Variants in DLGAP2 observed in about 807,000 individuals in gnomAD.
DLGAP2 encodes the protein disks large-associated protein 2.
DLGAP2 carries 26 observed loss-of-function variants against 100.3 expected under a neutral mutation model. The observed-to-expected ratio is 0.26, with a 90% CI of 0.19 to 0.36. The LOEUF is 0.36. Ranked by LOEUF, DLGAP2 falls within the 10% of genes least tolerant of loss-of-function variation. DLGAP2 has a pLI of 1.00. For synonymous variants in DLGAP2, 886 were observed against 630.1 expected (o/e 1.41, Z -6.08); for missense variants, 1,858 against 1,453.2 (o/e 1.28, Z -4.53).
intron 2 of DLGAP2, among the ~76,000 whole-genome samples, chr8:1,074,749 G>C (rs1234188363): frequency 6.6e-6 from 1 of 152,180 alleles, no homozygotes; most frequent in African/African-American, 2.4e-5. Context: ...GTCAAGGCGT[G>C]GGTGATTTTT....
chr8:1,390,635 T>C (rs1796328598), intron 3 of DLGAP2, among the ~76,000 whole-genome samples: 1 of 152,062 alleles, frequency 6.6e-6, no homozygotes, highest in Non-Finnish European at 1.5e-5. Flanking sequence ...TTAACTGCAG[T>C]CCCGTCCACC....
intron 6 of DLGAP2, among the ~76,000 whole-genome samples, chr8:1,626,025 C>T (rs113534811): frequency 0.061 from 5,829 of 95,542 alleles, 236 homozygotes; most frequent in Middle Eastern, 0.13. Context: ...TACCCTGTGG[C>T]GGGTGCTCAG....
intron 2 of DLGAP2, among the ~76,000 whole-genome samples, chr8:1,143,753 C>A (rs940120258): frequency 6.6e-6 from 1 of 152,210 alleles, no homozygotes; most frequent in African/African-American, 2.4e-5. Context: ...CTTTCAAACC[C>A]AACCTCCCCA....
intron 3 of DLGAP2, among the ~76,000 whole-genome samples, chr8:1,484,204 T>G (rs1357876570): frequency 6.6e-6 from 1 of 152,238 alleles, no homozygotes; most frequent in Non-Finnish European, 1.5e-5. Flanking sequence ...CATGAGCTTC[T>G]GAATGAACAG....
chr8:1,501,018 A>G (rs984569644), intron 3 of DLGAP2, among the ~76,000 whole-genome samples: 1 of 152,156 alleles, frequency 6.6e-6, no homozygotes, highest in Non-Finnish European at 1.5e-5. Flanking sequence ...GGGGAAAATT[A>G]GAGTGGACTG....
At chr8:1,543,885 G>A (rs781085642) in intron 4 of DLGAP2, among the ~76,000 whole-genome samples, 3 of 151,656 alleles carry the variant, frequency 2.0e-5, no homozygotes, top group Non-Finnish European at 2.9e-5. Context: ...TTCAGTGTAC[G>A]AATCTTTCAC....
intron 2 of DLGAP2, among the ~76,000 whole-genome samples, chr8:1,009,256 CT>C: frequency 6.6e-6 from 1 of 152,310 alleles, no homozygotes; most frequent in African/African-American, 2.4e-5. Context: ...AATGCATTTT[CT>C]TTTTGTTCGT....
chr8:1,413,812 C>A (rs1796800881), intron 3 of DLGAP2, among the ~76,000 whole-genome samples: 1 of 152,240 alleles, frequency 6.6e-6, no homozygotes, highest in Non-Finnish European at 1.5e-5. Context: ...GCACACACGC[C>A]TGCCAGGTGG....
At chr8:833,768 C>A (rs549958762) in intron 1 of DLGAP2, among the ~76,000 whole-genome samples, 2 of 152,152 alleles carry the variant, frequency 1.3e-5, no homozygotes, top group Non-Finnish European at 2.9e-5. Context: ...TGTATGCATA[C>A]CTTTCATCTT....
intron 1 of DLGAP2, among the ~76,000 whole-genome samples, chr8:778,450 T>C (rs1821589187): frequency 6.6e-6 from 1 of 152,240 alleles, no homozygotes; most frequent in Non-Finnish European, 1.5e-5. Flanking sequence ...AGTTTTTCTC[T>C]TCTGTTTTTT....
intron 2 of DLGAP2, among the ~76,000 whole-genome samples, chr8:1,055,282 G>A (rs1232441412): frequency 6.6e-6 from 1 of 152,168 alleles, no homozygotes; most frequent in Admixed American, 6.5e-5. Context: ...GAAGATGAGT[G>A]CATTAAGAAC....
chr8:1,237,711 T>C (rs376181353), intron 2 of DLGAP2, among the ~76,000 whole-genome samples: 2,391 of 27,980 alleles, frequency 0.085, 1 homozygote, highest in Middle Eastern at 0.25. Flanking sequence ...TCTCACATGG[T>C]GCCATGTCTA....
intron 3 of DLGAP2, among the ~76,000 whole-genome samples, chr8:1,314,141 C>T (rs999669217): frequency 2.6e-5 from 4 of 152,176 alleles, no homozygotes; most frequent in African/African-American, 9.7e-5. Flanking sequence ...TGTAACCTTT[C>T]ATAAAATCCT....
intron 2 of DLGAP2, among the ~76,000 whole-genome samples, chr8:1,009,606 T>C (rs190482915): frequency 4.5e-4 from 68 of 152,360 alleles, no homozygotes; most frequent in African/African-American, 1.6e-3. Context: ...TGATTATGTC[T>C]TGTTTCAGTT....
intron 1 of DLGAP2, among the ~76,000 whole-genome samples, chr8:847,729 A>G (rs1415983201): frequency 6.6e-6 from 1 of 152,152 alleles, no homozygotes; most frequent in Non-Finnish European, 1.5e-5. Flanking sequence ...CTGGTCTCAA[A>G]GTCTTAGCCT....
At chr8:1,185,413 C>A (rs1192611010) in intron 2 of DLGAP2, among the ~76,000 whole-genome samples, 1 of 151,970 alleles carries the variant, frequency 6.6e-6, no homozygotes, top group Non-Finnish European at 1.5e-5. Flanking sequence ...CCCCTAAGGC[C>A]GGTCAGCTTT....
chr8:1,641,973 G>C lies in DLGAP2; in HGVS notation c.1810+8927G>C, dbSNP rs1426124400. On this transcript the variant is annotated intron_variant, in intron 8 of 14. Transcript: ENST00000637795. The stretch of plus-strand genomic sequence containing the variant: ...CCTCACCTGTGTCACCCTCGACCCC[G>C]CCGGTCCCCACCTGTGTCACCCTCG... 1.2e-3 allele frequency among the ~76,000 whole-genome samples: 84 copies of C among 70,318 alleles called. 1 individual carries two copies. Among genetic ancestry groups the C allele is most frequent in the African/African-American group, 7.4e-3 (68 of 9,178 alleles). 46.1% of individuals were successfully genotyped at this position (70,318 alleles called of 152,430 possible).
chr8:1,007,065 G>C (rs1389308369), intron 2 of DLGAP2, among the ~76,000 whole-genome samples: 1 of 151,902 alleles, frequency 6.6e-6, no homozygotes, highest in African/African-American at 2.4e-5. Flanking sequence ...GACACCTTGT[G>C]TCTGAAGTCT....
At chr8:1,023,554 G>A (rs1801688520) in intron 2 of DLGAP2, among the ~76,000 whole-genome samples, 1 of 152,178 alleles carries the variant, frequency 6.6e-6, no homozygotes, top group African/African-American at 2.4e-5. Flanking sequence ...TGACCTTTGT[G>A]TGTGTGAACC....
Sources: allele counts gnomAD v4.1 joint callset (sites outside exome capture counted in the v4.1 genomes callset), GRCh38; gene constraint gnomAD v4.1.1; transcripts MANE v1.5; gene names NCBI Gene and HGNC (gene_info 2026-07-23, HGNC 2026-07-21).